The following ASPSCR1 variants were observed in gnomAD, a reference collection of about 807,000 sequenced individuals.
The protein encoded by ASPSCR1 is tether containing UBX domain for GLUT4.
In ASPSCR1, 55 loss-of-function variants were observed where a neutral mutation model predicts 68.9. The ratio of observed to expected loss-of-function variants is 0.80; its 90% CI spans 0.64 to 1.00. The LOEUF is 1.00. Ranked by LOEUF, ASPSCR1 falls within the 50% of genes least tolerant of loss-of-function variation. ASPSCR1 has a pLI of 0.00. For synonymous variants in ASPSCR1, 352 were observed against 332.6 expected (o/e 1.06, Z -0.63); for missense variants, 765 against 762.2 (o/e 1.00, Z -0.04).
rs774585037 is a variant in ASPSCR1, at chr17:82,009,503, C to T, written c.1106C>T (p.Ala369Val). ...CACCACAGGAAGCGCCTGGAAGAAG[C>T]CCCCTTGGTGACCAAGGCCTTCAGG... ...LKSERKRLEEAPLVTKAFREA... is the reference protein window; with the variant it reads ...LKSERKRLEEVPLVTKAFREA... The change falls in exon 9 of 16, where the codon GCC becomes GTC. Residue 369 changes from alanine to valine, a missense_variant. Coordinates refer to ENST00000306739, the MANE Select transcript of ASPSCR1 (RefSeq NM_024083.4). 6.3e-7 allele frequency: 1 copy of T among 1,582,826 alleles called. No homozygotes were observed. The highest frequency in any genetic ancestry group is 1.2e-5 in the South Asian group (1 of 86,720).
intron 7 of ASPSCR1, among the ~76,000 whole-genome samples, chr17:82,002,984 C>T (rs1480024754): frequency 6.6e-6 from 1 of 152,036 alleles, no homozygotes; most frequent in East Asian, 1.9e-4. Flanking sequence ...AAGCGATTTT[C>T]GTGTCTCAGC....
chr17:81,994,154 T>TG (rs963133606), intron 4 of ASPSCR1, among the ~76,000 whole-genome samples: 1 of 152,206 alleles, frequency 6.6e-6, no homozygotes, highest in African/African-American at 2.4e-5. Flanking sequence ...CAGGCATGTG[T>TG]GGGAGGCGTG....
In ASPSCR1 at chr17:81,977,654, C is replaced by T. The variant is rs1351473755; in HGVS notation, c.8C>T (p.Ala3Val). MA[A>V]PAGGGGSAVS... Reference sequence around the variant, plus strand: ...GGGTCACGTGAGCGGAAAATGGCGGCCCCGGCAGGCGGCGGAGGCTCCGCG... The same window carrying T: ...GGGTCACGTGAGCGGAAAATGGCGGTCCCGGCAGGCGGCGGAGGCTCCGCG... Residue 3 changes from alanine (A) to valine (V), a missense_variant, in exon 1 of 16, where the codon GCC becomes GTC. Coordinates refer to ENST00000306739, the MANE Select transcript of ASPSCR1 (RefSeq NM_024083.4). The surrounding 1 kb of genome is among the most constrained non-coding windows in gnomAD (Gnocchi z 5.0). 3.6e-6 allele frequency: 5 copies of T among 1,395,508 alleles called. No homozygotes were observed. Among genetic ancestry groups the T allele is most frequent in the East Asian group, 6.2e-5 (2 of 32,502 alleles). 86.4% of individuals were successfully genotyped at this position (1,395,508 alleles called of 1,614,324 possible). A position where few individuals can be genotyped will look rare whatever the true frequency, so the allele number is the denominator to read the frequency against.
rs111633399 is a variant in ASPSCR1 at position 81,996,557 on chromosome 17, C to T, written c.644C>T (p.Pro215Leu). 2.6e-5 allele frequency: 42 copies of T among 1,612,738 alleles called. No individual in the cohort carries two copies. The South Asian group carries it at 3.1e-4, about 12-fold the overall frequency. ...CTCAGCCGCGGCGACTTGAGCCGTCCGGAGGACGCGGACACCTCAGGGCCC... is the reference window on the plus strand; with the variant it reads ...CTCAGCCGCGGCGACTTGAGCCGTCTGGAGGACGCGGACACCTCAGGGCCC... Reference protein sequence around the residue: ...GELSRGDLSRPEDADTSGPCC... With the variant: ...GELSRGDLSRLEDADTSGPCC... Residue 215 changes from proline to leucine, a missense_variant, in exon 7 of 16, where the codon CCG (proline) becomes CTG (leucine). Physicochemically the swap from Pro to Leu is moderately conservative, Grantham distance 98. Coordinates refer to ENST00000306739, the MANE Select transcript of ASPSCR1 (RefSeq NM_024083.4).
At chr17:82,007,407 T>C (rs2042755443) in intron 7 of ASPSCR1, 1 of 152,284 alleles carries the variant, frequency 6.6e-6, no homozygotes, top group Non-Finnish European at 1.5e-5. Context: ...AGCGTGATGC[T>C]GATGGTCCTG....
At chr17:81,995,257 C>T in intron 5 of ASPSCR1, 1 of 402,364 alleles carries the variant, frequency 2.5e-6, no homozygotes, top group Non-Finnish European at 4.4e-6. Flanking sequence ...CCTTTTGTTT[C>T]CACGCTGGCT....
chr17:81,996,491 AG>A lies in ASPSCR1; in HGVS notation c.580del (p.Ala194GlnfsTer19). On this transcript the variant is annotated frameshift_variant, in exon 7 of 16. Coordinates refer to ENST00000306739, the MANE Select transcript of ASPSCR1 (RefSeq NM_024083.4). LOFTEE classifies it high-confidence loss of function. ...CTGGGCTCGTCAGCGTCGGCTGGCC[AG>A]GCAGCCGCCAGCGCTCCACTTCCCT... ...GSLGSSASAG[Q>X]AAASAPLPLE... 6.2e-7 allele frequency: 1 copy of A among 1,611,434 alleles called. No individual in the cohort carries two copies. The highest frequency in any genetic ancestry group is 8.5e-7 in the Non-Finnish European group (1 of 1,179,126).
At chr17:82,016,601 G>C in intron 13 of ASPSCR1, 74 bp downstream of exon 13, 2 of 1,535,716 alleles carry the variant, frequency 1.3e-6, no homozygotes, top group Non-Finnish European at 1.8e-6. Context: ...AGCTGCCCGG[G>C]AGGGCGTTCG....
rs2042116207 is a variant in ASPSCR1, at chr17:81,990,233, G to T, written c.375-4588G>T. Among the ~76,000 whole-genome samples the T allele has an allele frequency of 6.6e-6, 1 of 152,228 alleles. No homozygotes were observed. The highest frequency in any genetic ancestry group is 1.5e-5 in the Non-Finnish European group (1 of 68,048). The stretch of plus-strand genomic sequence containing the variant: ...CCGTCTCATGCTCTTGTTGTGCAGA[G>T]TCCTTGAGACCTGCATGTATGGTGC... On this transcript the variant is annotated intron_variant, in intron 4 of 15. Transcript: ENST00000306739. The surrounding 1 kb of genome is among the most constrained non-coding windows in gnomAD (Gnocchi z 4.1).
chr17:81,997,423 C>T (rs1260661402), intron 7 of ASPSCR1, among the ~76,000 whole-genome samples: 1 of 151,580 alleles, frequency 6.6e-6, no homozygotes, highest in Admixed American at 6.6e-5. Context: ...GCCCCACCTC[C>T]TACCTGAGCA....
At chr17:81,979,362 C>T in intron 2 of ASPSCR1, 123 bp downstream of exon 2, 1 of 1,077,302 alleles carries the variant, frequency 9.3e-7, no homozygotes, top group Middle Eastern at 2.1e-4. Context: ...TCCCTCCCAA[C>T]TCTGGAGACC....
At chr17:81,979,634 TG>T (rs1005801180) in intron 2 of ASPSCR1, among the ~76,000 whole-genome samples, 1 of 152,212 alleles carries the variant, frequency 6.6e-6, no homozygotes, top group Non-Finnish European at 1.5e-5. Context: ...TCAGAGGTCC[TG>T]GGGGTGAGGA....
chr17:82,002,215 A>C (rs1461149722), intron 7 of ASPSCR1, among the ~76,000 whole-genome samples: 1 of 149,306 alleles, frequency 6.7e-6, no homozygotes, highest in Non-Finnish European at 1.5e-5. Context: ...TTTTCTTATG[A>C]GTACCTCATG....
intron 7 of ASPSCR1, among the ~76,000 whole-genome samples, chr17:82,000,813 GC>G (rs1250200588): frequency 1.3e-5 from 2 of 152,112 alleles, no homozygotes; most frequent in Non-Finnish European, 2.9e-5. Context: ...GCTGCCCGGC[GC>G]CCCCTGGCCC....
rs1002262772 is a variant in ASPSCR1 at position 81,999,916 on chromosome 17, C to T, written c.933+3070C>T. Among the ~76,000 whole-genome samples, 1 of 152,350 alleles carries T rather than the reference C, an allele frequency of 6.6e-6. No individual in the cohort carries two copies. Among genetic ancestry groups the T allele is most frequent in the Non-Finnish European group, 1.5e-5 (1 of 68,026 alleles). On this transcript the variant is annotated intron_variant, in intron 7 of 15. Transcript: ENST00000306739. The surrounding 1 kb of genome is among the most constrained non-coding windows in gnomAD (Gnocchi z 4.4). ...TCCAGCCCCTCTGTTTTCTGTCCCC[C>T]TGGCTGTCCTGGGACTGTTCCTGTT...
intron 12 of ASPSCR1, chr17:82,016,004 T>C: frequency 6.0e-6 from 1 of 167,962 alleles, no homozygotes. Context: ...TCTTTTAACA[T>C]CCCCCAGCCC....
At chr17:82,014,682 CGTT>C (rs2043062680) in intron 12 of ASPSCR1, 1 of 244,754 alleles carries the variant, frequency 4.1e-6, no homozygotes, top group Admixed American at 5.1e-5. Flanking sequence ...GTGCTGTTCT[CGTT>C]GGAGGGGGCG....
chr17:82,011,672 G>C, intron 11 of ASPSCR1, 67 bp downstream of exon 11: 1 of 1,533,144 alleles, frequency 6.5e-7, no homozygotes, highest in Non-Finnish European at 8.9e-7. Context: ...TGGGCACACC[G>C]CCCGTCCCAG....
Position 81,990,146 on chromosome 17 carries a change from T to C in ASPSCR1, c.374+4539T>C, listed in dbSNP as rs1311052921. 1.3e-5 allele frequency among the ~76,000 whole-genome samples: 2 copies of C among 152,192 alleles called. No individual in the cohort carries two copies. Among genetic ancestry groups the C allele is most frequent in the Non-Finnish European group, 2.9e-5 (2 of 68,040 alleles). On this transcript the variant is annotated intron_variant, in intron 4 of 15. Coordinates refer to ENST00000306739, the MANE Select transcript of ASPSCR1 (RefSeq NM_024083.4). The surrounding 1 kb of genome is among the most constrained non-coding windows in gnomAD (Gnocchi z 4.1). ...AGGTGTCATTAATTTTAGTAATACG[T>C]GTAGTTAACTCAGTATACCCAAAAT... is the stretch of plus-strand genomic sequence containing the variant.
Sources: allele counts gnomAD v4.1 joint callset (sites outside exome capture counted in the v4.1 genomes callset), GRCh38; gene constraint gnomAD v4.1.1; non-coding constraint Gnocchi (gnomAD v3.1); transcripts MANE v1.5; gene names NCBI Gene and HGNC (gene_info 2026-07-23, HGNC 2026-07-21).